CADPS2: variants seen among roughly 807,000 people sequenced by gnomAD.
The protein encoded by CADPS2 is calcium-dependent secretion activator 2.
A neutral mutation model predicts 172.5 loss-of-function variants in CADPS2; 93 were observed. The ratio of observed to expected loss-of-function variants is 0.54; its 90% CI spans 0.46 to 0.64. CADPS2 has a LOEUF of 0.64. Ranked by LOEUF, CADPS2 falls within the 30% of genes least tolerant of loss-of-function variation. The pLI, the probability that CADPS2 is intolerant of heterozygous loss-of-function variation, is 0.00. For synonymous variants in CADPS2, 546 were observed against 555.2 expected, an observed-to-expected ratio of 0.98 and a Z score of 0.23; for missense variants, 1,420 against 1,565.9, an observed-to-expected ratio of 0.91 and a Z score of 1.57.
chr7:122,746,924 T>C (rs764806739), intron 1 of CADPS2, among the ~76,000 whole-genome samples: 1 of 152,160 alleles, frequency 6.6e-6, no homozygotes, highest in South Asian at 2.1e-4. Context: ...TTGGTCATTA[T>C]CTTCCAAAAT....
intron 28 of CADPS2, among the ~76,000 whole-genome samples, chr7:122,345,190 A>G (rs1028926038): frequency 1.3e-5 from 2 of 152,132 alleles, no homozygotes; most frequent in African/African-American, 4.8e-5. Context: ...CAGTGGAGCA[A>G]TCTTTGCTCA....
At chr7:122,508,990 A>C (rs577950241) in intron 9 of CADPS2, among the ~76,000 whole-genome samples, 1 of 152,206 alleles carries the variant, frequency 6.6e-6, no homozygotes, top group Non-Finnish European at 1.5e-5. Flanking sequence ...GCATAAAGCT[A>C]TAAAGTCATT....
intron 2 of CADPS2, among the ~76,000 whole-genome samples, chr7:122,714,816 TCTTTA>T (rs1304265893): frequency 3.3e-5 from 5 of 152,150 alleles, no homozygotes; most frequent in African/African-American, 4.8e-5. Flanking sequence ...CCGATTTGAG[TCTTTA>T]CTTAACATTT....
chr7:122,532,161 T>C (rs775385139), intron 8 of CADPS2, among the ~76,000 whole-genome samples: 67 of 152,340 alleles, frequency 4.4e-4, no homozygotes, highest in Non-Finnish European at 7.2e-4. Flanking sequence ...GGCTGATTTT[T>C]CTACATAATA....
intron 21 of CADPS2, 44 bp downstream of exon 21, chr7:122,393,397 G>A: frequency 1.2e-6 from 2 of 1,613,182 alleles, no homozygotes; most frequent in Non-Finnish European, 1.7e-6. Context: ...TAAGGTCAGG[G>A]TTGAAGAGGC....
chr7:122,329,932 G>A (rs1047558761), intron 28 of CADPS2, among the ~76,000 whole-genome samples: 7 of 152,266 alleles, frequency 4.6e-5, no homozygotes, highest in East Asian at 1.9e-4. Flanking sequence ...TAGCTGCTTC[G>A]CTAGGGCACA....
At chr7:122,719,065 G>A (rs559752162) in intron 2 of CADPS2, among the ~76,000 whole-genome samples, 73 of 152,040 alleles carry the variant, frequency 4.8e-4, no homozygotes, top group Non-Finnish European at 8.8e-4. Context: ...ATCCCTCTAC[G>A]TTATATAAAC....
chr7:122,592,796 A>G (rs2071076804), intron 6 of CADPS2, among the ~76,000 whole-genome samples: 1 of 146,736 alleles, frequency 6.8e-6, no homozygotes, highest in South Asian at 2.2e-4. Flanking sequence ...ATAAGAATAC[A>G]TGGACACAGG....
Position 122,414,079 on chromosome 7 carries a change from G to A in CADPS2, c.2581-3C>T. The A allele has an allele frequency of 6.5e-7, 1 of 1,535,914 alleles. No homozygotes were observed. The highest frequency in any genetic ancestry group is 8.7e-7 in the Non-Finnish European group (1 of 1,156,008). On this transcript the variant is annotated splice_polypyrimidine_tract_variant and splice_region_variant and intron_variant, in intron 18 of 29. Transcript: ENST00000449022. ...ATCATTTTACTCACCTCTCTTCCCT[G>A]AGGGTTTCCAAGAATTTGGAAGCAT...
chr7:122,673,768 C>T (rs184814075), intron 2 of CADPS2, among the ~76,000 whole-genome samples: 2 of 152,362 alleles, frequency 1.3e-5, no homozygotes, highest in East Asian at 3.9e-4. Context: ...GATCCCACAC[C>T]AGGGCTGCAG....
intron 8 of CADPS2, among the ~76,000 whole-genome samples, chr7:122,543,931 C>CA (rs1445825005): frequency 6.7e-5 from 10 of 150,232 alleles, no homozygotes; most frequent in African/African-American, 9.8e-5. Context: ...TGGTAAAAGC[C>CA]AAAAAAAGAG....
chr7:122,387,461 G>GA (rs967112546), intron 23 of CADPS2, among the ~76,000 whole-genome samples: 8 of 151,376 alleles, frequency 5.3e-5, no homozygotes, highest in South Asian at 4.2e-4. Context: ...ACATTTAATG[G>GA]AAAAAAAACT....
At chr7:122,574,825 T>C (rs1402523058) in intron 7 of CADPS2, among the ~76,000 whole-genome samples, 2 of 152,156 alleles carry the variant, frequency 1.3e-5, no homozygotes, top group Non-Finnish European at 2.9e-5. Context: ...GCTAAAACAC[T>C]GAGTGAAAGG....
intron 17 of CADPS2, among the ~76,000 whole-genome samples, chr7:122,419,676 T>G (rs2048326243): frequency 6.6e-6 from 1 of 152,186 alleles, no homozygotes; most frequent in African/African-American, 2.4e-5. Context: ...TCCTTCTGGC[T>G]GAGGCAATCT....
At chr7:122,774,804 A>G (rs2093823968) in intron 1 of CADPS2, among the ~76,000 whole-genome samples, 1 of 152,168 alleles carries the variant, frequency 6.6e-6, no homozygotes, top group South Asian at 2.1e-4. Flanking sequence ...GGCCTACAAT[A>G]TATATTTAAT....
At chr7:122,880,122 G>T (rs574173130) in intron 1 of CADPS2, among the ~76,000 whole-genome samples, 1 of 152,226 alleles carries the variant, frequency 6.6e-6, no homozygotes, top group Non-Finnish European at 1.5e-5. Flanking sequence ...GGTTTTGTAG[G>T]ACCTTTGTGA....
intron 7 of CADPS2, among the ~76,000 whole-genome samples, chr7:122,572,034 T>C (rs940522051): frequency 9.2e-5 from 14 of 152,188 alleles, no homozygotes; most frequent in Non-Finnish European, 2.1e-4. Context: ...CAGCATTATA[T>C]ATCTACATGT....
At chr7:122,600,733 G>C (rs1412543063) in intron 6 of CADPS2, among the ~76,000 whole-genome samples, 2 of 152,050 alleles carry the variant, frequency 1.3e-5, no homozygotes, top group Non-Finnish European at 2.9e-5. Flanking sequence ...ACTTTTGTCT[G>C]TTTGGGTCCT....
chr7:122,868,420 A>G (rs1403044464), intron 1 of CADPS2, among the ~76,000 whole-genome samples: 1 of 152,180 alleles, frequency 6.6e-6, no homozygotes, highest in African/African-American at 2.4e-5. Flanking sequence ...TATATATTTA[A>G]CATTCTAACC....
Sources: gnomAD v4.1 joint callset for allele counts (sites outside exome capture counted in the v4.1 genomes callset) on GRCh38, gnomAD v4.1.1 for gene constraint, MANE v1.5 for transcripts, NCBI Gene and HGNC (gene_info 2026-07-23, HGNC 2026-07-21) for gene names.